Variants in CSMD1 observed in about 807,000 individuals in gnomAD.
CSMD1 encodes the protein CUB and sushi domain-containing protein 1.
CSMD1 carries 213 observed loss-of-function variants against 417.5 expected under a neutral mutation model. That is an observed-to-expected ratio of 0.51 (90% CI 0.46 to 0.57). The LOEUF (loss-of-function observed/expected upper bound fraction) is 0.57, where lower values mean the gene tolerates loss of function less well. Among genes scored for constraint, CSMD1 ranks in the 20% least tolerant of loss-of-function variants. The pLI is 0.00. For synonymous variants in CSMD1, 2,862 were observed against 1,736.8 expected, an observed-to-expected ratio of 1.65 and a Z score of -16.11; for missense variants, 6,923 against 4,529.7, an observed-to-expected ratio of 1.53 and a Z score of -15.17.
At chr8:3,024,853 T>C (rs1407011110) in intron 51 of CSMD1, among the ~76,000 whole-genome samples, 1 of 151,534 alleles carries the variant, frequency 6.6e-6, no homozygotes, top group Non-Finnish European at 1.5e-5. Flanking sequence ...CTAGTACTCA[T>C]GAAAATCCAT....
intron 9 of CSMD1, among the ~76,000 whole-genome samples, chr8:3,576,530 A>C (rs1253785828): frequency 5.3e-5 from 8 of 152,192 alleles, no homozygotes. Flanking sequence ...TTACTATGGA[A>C]ATAATTAGCT....
At chr8:4,330,501 G>C (rs944634299) in intron 3 of CSMD1, among the ~76,000 whole-genome samples, 2 of 151,430 alleles carry the variant, frequency 1.3e-5, no homozygotes, top group East Asian at 3.9e-4. Flanking sequence ...GAGACAGGAG[G>C]ATCACTTGAA....
chr8:4,990,379 T>TC (rs1811399260), intron 1 of CSMD1, among the ~76,000 whole-genome samples: 1 of 151,920 alleles, frequency 6.6e-6, no homozygotes, highest in Non-Finnish European at 1.5e-5. Context: ...ATTTTTTTTT[T>TC]TGAGATGGAG....
chr8:4,797,178 C>G (rs182550885), intron 1 of CSMD1, among the ~76,000 whole-genome samples: 16 of 152,306 alleles, frequency 1.1e-4, no homozygotes, highest in Admixed American at 2.0e-4. Context: ...AGGCTCCAGG[C>G]AGGCAGCTGA....
At chr8:3,969,683 G>C (rs1392858241) in intron 5 of CSMD1, among the ~76,000 whole-genome samples, 1 of 152,204 alleles carries the variant, frequency 6.6e-6, no homozygotes, top group Non-Finnish European at 1.5e-5. Context: ...GATGTCAGTA[G>C]TGGACATGGT....
intron 2 of CSMD1, among the ~76,000 whole-genome samples, chr8:4,595,960 C>G (rs1396301982): frequency 1.3e-5 from 2 of 152,078 alleles, no homozygotes; most frequent in South Asian, 2.1e-4. Context: ...AACTGTACCA[C>G]TTGTACAGCC....
intron 50 of CSMD1, among the ~76,000 whole-genome samples, chr8:3,036,891 G>A (rs1034917212): frequency 2.6e-5 from 4 of 152,130 alleles, no homozygotes; most frequent in African/African-American, 9.7e-5. Flanking sequence ...ATCTAGGGGT[G>A]ATTTCTGGGA....
intron 1 of CSMD1, among the ~76,000 whole-genome samples, chr8:4,682,855 A>T (rs1806134015): frequency 6.6e-6 from 1 of 150,532 alleles, no homozygotes; most frequent in Non-Finnish European, 1.5e-5. Context: ...TTATCCAAAG[A>T]CTACTAAATA....
intron 5 of CSMD1, among the ~76,000 whole-genome samples, chr8:3,872,845 A>T (rs1805569181): frequency 6.6e-6 from 1 of 151,972 alleles, no homozygotes; most frequent in South Asian, 2.1e-4. Context: ...GCTCCAAAAA[A>T]AAAAAAGAAA....
intron 25 of CSMD1, among the ~76,000 whole-genome samples, chr8:3,303,093 A>T (rs555642377): frequency 6.6e-6 from 1 of 152,328 alleles, no homozygotes; most frequent in East Asian, 1.9e-4. Context: ...TGTATTGTCT[A>T]TGAAAACTAA....
At chr8:3,542,659 T>C (rs899002335) in intron 10 of CSMD1, among the ~76,000 whole-genome samples, 2 of 152,168 alleles carry the variant, frequency 1.3e-5, no homozygotes, top group African/African-American at 4.8e-5. Context: ...ACAGTTCAGA[T>C]GTGTTTCTCC....
intron 26 of CSMD1, among the ~76,000 whole-genome samples, chr8:3,242,010 A>C (rs1217088684): frequency 1.3e-5 from 1 of 77,982 alleles, no homozygotes; most frequent in Non-Finnish European, 3.2e-5. Context: ...AAAGCGTCTC[A>C]GGTTTGCTGC....
At chr8:3,003,862 G>A (rs576595323) in intron 52 of CSMD1, among the ~76,000 whole-genome samples, 1 of 152,150 alleles carries the variant, frequency 6.6e-6, no homozygotes, top group Non-Finnish European at 1.5e-5. Context: ...ACAGAAATTA[G>A]AAATGTTATA....
At chr8:3,527,020 G>C (rs946181160) in intron 10 of CSMD1, among the ~76,000 whole-genome samples, 1 of 152,038 alleles carries the variant, frequency 6.6e-6, no homozygotes, top group African/African-American at 2.4e-5. Context: ...TCCCTACTCA[G>C]AATGTGGCTG....
chr8:4,051,682 A>G (rs905689431), intron 3 of CSMD1, among the ~76,000 whole-genome samples: 1 of 152,134 alleles, frequency 6.6e-6, no homozygotes, highest in Non-Finnish European at 1.5e-5. Context: ...GTACTGATCA[A>G]GGCCAATTTA....
rs1057007653 is a variant in CSMD1, at chr8:4,199,563, G to C, written c.416-167464C>G. ...TTGAATCCTCTCGGCTACCAAAGGA[G>C]CTACCGGACAACAGACAAACCAATT... is the stretch of plus-strand genomic sequence containing the variant. On this transcript the variant is annotated intron_variant, in intron 3 of 69. Transcript: ENST00000635120. Among the ~76,000 whole-genome samples, 11 of 152,130 alleles carry C rather than the reference G, an allele frequency of 7.2e-5. 1 individual carries two copies. The highest frequency in any genetic ancestry group is 1.3e-4 in the Admixed American group (2 of 15,276).
intron 2 of CSMD1, among the ~76,000 whole-genome samples, chr8:4,549,614 C>T (rs567561011): frequency 1.7e-4 from 26 of 151,962 alleles, no homozygotes; most frequent in South Asian, 6.2e-4. Context: ...AATGGCCGGG[C>T]GCGGTGGCTC....
intron 10 of CSMD1, among the ~76,000 whole-genome samples, chr8:3,494,776 A>C (rs907507606): frequency 2.6e-5 from 4 of 152,236 alleles, no homozygotes; most frequent in Non-Finnish European, 2.9e-5. Flanking sequence ...CAGGAGGAAC[A>C]GAAACCATAA....
chr8:4,432,632 T>C (rs1263253782), intron 2 of CSMD1, among the ~76,000 whole-genome samples: 1 of 152,132 alleles, frequency 6.6e-6, no homozygotes, highest in Non-Finnish European at 1.5e-5. Flanking sequence ...AGATCCTTAA[T>C]AACTGACTTA....
Sources: gnomAD v4.1 joint callset for allele counts (sites outside exome capture counted in the v4.1 genomes callset) on GRCh38, gnomAD v4.1.1 for gene constraint, MANE v1.5 for transcripts, NCBI Gene and HGNC (gene_info 2026-07-23, HGNC 2026-07-21) for gene names.